TAF12: variants seen among roughly 807,000 people sequenced by gnomAD.
The protein encoded by TAF12 is transcription initiation factor TFIID subunit 12.
Under a neutral mutation model 20.8 loss-of-function variants are expected in TAF12, and 3 were observed. That is an observed-to-expected ratio of 0.14 (90% CI 0.07 to 0.37). The LOEUF (loss-of-function observed/expected upper bound fraction) is 0.37, where lower values mean the gene tolerates loss of function less well. Ranked by LOEUF, TAF12 falls within the 10% of genes least tolerant of loss-of-function variation. The pLI is 1.00. For synonymous variants in TAF12, 69 were observed against 70.2 expected, an observed-to-expected ratio of 0.98 and a Z score of 0.09; for missense variants, 131 against 197.9, an observed-to-expected ratio of 0.66 and a Z score of 2.03.
At chr1:28,642,554 C>G in intron 1 of TAF12, 1 of 835,986 alleles carries the variant, frequency 1.2e-6, no homozygotes, top group South Asian at 5.5e-5. Flanking sequence ...CCTCAGGAAC[C>G]TAAGTCTTCG....
At chr1:28,625,796 C>T (rs1667363852) in intron 1 of TAF12, among the ~76,000 whole-genome samples, 2 of 152,000 alleles carry the variant, frequency 1.3e-5, no homozygotes. Flanking sequence ...CTGCCTCGGC[C>T]TCCCAAAGTG....
chr1:28,621,762 CA>C, intron 2 of TAF12, 151 bp downstream of exon 2: 1 of 1,234,798 alleles, frequency 8.1e-7, no homozygotes, highest in Non-Finnish European at 1.1e-6. Flanking sequence ...TATATTAAAA[CA>C]AACAAAAAAA....
chr1:28,635,343 T>TCGCCCAGGCTACAGTGCAGTGG (rs1184899695), intron 1 of TAF12, among the ~76,000 whole-genome samples: 1 of 125,692 alleles, frequency 8.0e-6, no homozygotes, highest in African/African-American at 3.0e-5. Flanking sequence ...CAGTGCAGTG[T>TCGCCCAGGCTACAGTGCAGTGG]CGCCCAGGCT....
intron 1 of TAF12, among the ~76,000 whole-genome samples, chr1:28,632,677 G>C (rs1320564466): frequency 3.3e-5 from 5 of 152,122 alleles, no homozygotes; most frequent in African/African-American, 7.2e-5. Context: ...AAACAGATCA[G>C]TGGTTGTTAA....
chr1:28,648,169 G>C (rs1557480886), intron 1 of TAF12: 1 of 985,268 alleles, frequency 1.0e-6, no homozygotes, highest in East Asian at 1.1e-4. Context: ...AATTTGGATA[G>C]GTTGTGATTC....
chr1:28,641,109 T>G (rs1668014795), intron 1 of TAF12, among the ~76,000 whole-genome samples: 1 of 151,988 alleles, frequency 6.6e-6, no homozygotes, highest in Non-Finnish European at 1.5e-5. Context: ...TACTATTAAG[T>G]GACATTTACT....
chr1:28,626,726 T>C (rs1271484122), intron 1 of TAF12, among the ~76,000 whole-genome samples: 1 of 151,538 alleles, frequency 6.6e-6, no homozygotes, highest in African/African-American at 2.4e-5. Context: ...CTGGCCACCA[T>C]GGTGAAACCC....
At chr1:28,606,431 G>A (rs991455581) in intron 4 of TAF12, among the ~76,000 whole-genome samples, 1 of 151,912 alleles carries the variant, frequency 6.6e-6, no homozygotes, top group African/African-American at 2.4e-5. Flanking sequence ...GAGCCACTGC[G>A]CCTGGCTGTA....
At chr1:28,641,818 C>A (rs1335092676) in intron 1 of TAF12, among the ~76,000 whole-genome samples, 3 of 140,032 alleles carry the variant, frequency 2.1e-5, no homozygotes, top group African/African-American at 5.3e-5. Flanking sequence ...AAAAAAAATT[C>A]CCTCCTGAGT....
At position 28,615,070 on chromosome 1, in the gene TAF12, C is replaced by T. The variant is rs936259147; in HGVS notation, c.247-1709G>A. On this transcript the variant is annotated intron_variant, in intron 3 of 5. Coordinates refer to ENST00000373824, the MANE Select transcript of TAF12 (RefSeq NM_005644.4). ...ACTACAGTGAGCTGTGATCATGGCA[C>T]GGCACTCCAGCCTAGGTGACAGACA... is the stretch of plus-strand genomic sequence containing the variant. Among the ~76,000 whole-genome samples the T allele has an allele frequency of 7.2e-5, 11 of 151,990 alleles. 1 individual carries two copies. Among genetic ancestry groups the T allele is most frequent in the African/African-American group, 9.7e-5 (4 of 41,376 alleles).
At position 28,603,094 on chromosome 1, in the gene TAF12, T is replaced by TTAA. The variant is rs1666558149; in HGVS notation, c.*444_*445insTTA. On this transcript the variant is annotated 3_prime_UTR_variant, in exon 6 of 6. Transcript: ENST00000373824. Reference sequence around the variant, plus strand: ...CCTCTGGGATTTCAAAGGTACCCTGTCTTTCGATTAATAACTTCTTTATTC... The same window carrying TTAA: ...CCTCTGGGATTTCAAAGGTACCCTGTTAACTTTCGATTAATAACTTCTTTATTC... 6.4e-6 allele frequency: 1 copy of TTAA among 155,132 alleles called. No homozygotes were observed. The highest frequency in any genetic ancestry group is 6.4e-5 in the Admixed American group (1 of 15,526). 9.6% of individuals were successfully genotyped at this position (155,132 alleles called of 1,614,324 possible).
At chr1:28,625,146 C>T (rs962298065) in intron 1 of TAF12, among the ~76,000 whole-genome samples, 4 of 152,294 alleles carry the variant, frequency 2.6e-5, no homozygotes, top group Admixed American at 2.0e-4. Context: ...AAAAACATTC[C>T]CACAACCTTC....
upstream of TAF12, among the ~76,000 whole-genome samples, chr1:28,646,995 G>A (rs1668207418): frequency 6.6e-6 from 1 of 151,942 alleles, no homozygotes; most frequent in South Asian, 2.1e-4. Flanking sequence ...ACCGCACCCG[G>A]CCAATTTTTT....
intron 1 of TAF12, among the ~76,000 whole-genome samples, chr1:28,634,786 G>A (rs1410609430): frequency 6.6e-6 from 1 of 151,780 alleles, no homozygotes; most frequent in Non-Finnish European, 1.5e-5. Flanking sequence ...AAAATTAGCC[G>A]GGCATGGTGG....
intron 1 of TAF12, among the ~76,000 whole-genome samples, chr1:28,641,102 T>C (rs932535448): frequency 6.6e-6 from 1 of 152,082 alleles, no homozygotes; most frequent in Non-Finnish European, 1.5e-5. Context: ...GTTTCCTTAC[T>C]ATTAAGTGAC....
intron 4 of TAF12, among the ~76,000 whole-genome samples, chr1:28,612,469 A>G (rs1666893517): frequency 6.8e-6 from 1 of 147,168 alleles, no homozygotes; most frequent in Non-Finnish European, 1.5e-5. Flanking sequence ...ATTTATATAT[A>G]TAAAGTATTA....
At chr1:28,618,534 A>ATTTT (rs968347496) in intron 2 of TAF12, among the ~76,000 whole-genome samples, 20 of 125,694 alleles carry the variant, frequency 1.6e-4, no homozygotes, top group African/African-American at 5.5e-4. Context: ...TACCTGGCTA[A>ATTTT]TTTTTTTTTT....
At chr1:28,640,848 G>A (rs1366009201) in intron 1 of TAF12, among the ~76,000 whole-genome samples, 3 of 152,140 alleles carry the variant, frequency 2.0e-5, no homozygotes, top group Non-Finnish European at 4.4e-5. Flanking sequence ...GGCCAAGGCG[G>A]GAGAATCATT....
chr1:28,609,878 T>C (rs115500659), intron 4 of TAF12, among the ~76,000 whole-genome samples: 7 of 152,144 alleles, frequency 4.6e-5, no homozygotes, highest in Non-Finnish European at 8.8e-5. Flanking sequence ...AAACTCTATA[T>C]CCATTAAACA....
Sources: gnomAD v4.1 joint callset for allele counts (sites outside exome capture counted in the v4.1 genomes callset) on GRCh38, gnomAD v4.1.1 for gene constraint, MANE v1.5 for transcripts, NCBI Gene and HGNC (gene_info 2026-07-23, HGNC 2026-07-21) for gene names.